The following DNMT3A variants were observed in gnomAD, a reference collection of about 807,000 sequenced individuals.
The protein encoded by DNMT3A is DNA methyltransferase 3 alpha, also known as DNA (cytosine-5)-methyltransferase 3A.
In DNMT3A, 267 loss-of-function variants were observed where a neutral mutation model predicts 117.6. The ratio of observed to expected loss-of-function variants is 2.27; its 90% CI spans 2.05 to 2.51. The LOEUF (loss-of-function observed/expected upper bound fraction) is 2.51, where lower values mean the gene tolerates loss of function less well. Among genes scored for constraint, DNMT3A ranks in the 30% most tolerant of loss-of-function variants. The pLI, the probability that DNMT3A is intolerant of heterozygous loss-of-function variation, is 0.00. For missense variants in DNMT3A, 1,029 were observed against 1,260.2 expected (o/e 0.82, Z 2.78); for synonymous variants, 432 against 474.8 (o/e 0.91, Z 1.17).
At chr2:25,275,186 C>A in intron 5 of DNMT3A, 99 bp from the exon 6 acceptor site, 1 of 1,427,528 alleles carries the variant, frequency 7.0e-7, no homozygotes. Context: ...TGGCTCCTGG[C>A]CAGAGAGGGC....
chr2:25,315,281 C>T (rs2034325387), intron 1 of DNMT3A, among the ~76,000 whole-genome samples: 1 of 152,248 alleles, frequency 6.6e-6, no homozygotes, highest in Admixed American at 6.5e-5. Flanking sequence ...TAGCCCCTTT[C>T]TCCAGGGGTG....
intron 16 of DNMT3A, among the ~76,000 whole-genome samples, chr2:25,242,761 C>T (rs1383461908): frequency 6.6e-6 from 1 of 152,158 alleles, no homozygotes; most frequent in Non-Finnish European, 1.5e-5. Flanking sequence ...GTGGATGTGT[C>T]TTCACAATCT....
intron 6 of DNMT3A, chr2:25,249,773 C>T: frequency 6.2e-7 from 1 of 1,602,432 alleles, no homozygotes; most frequent in Non-Finnish European, 8.6e-7. Context: ...GAACCATTAG[C>T]CTTTTACTGA....
chr2:25,238,003 C>CT (rs1208646413), intron 20 of DNMT3A, among the ~76,000 whole-genome samples: 4 of 152,360 alleles, frequency 2.6e-5, no homozygotes, highest in South Asian at 4.1e-4. Flanking sequence ...CAGATGTCCC[C>CT]GACTCTTTAT....
intron 5 of DNMT3A, 91 bp from the exon 6 acceptor site, chr2:25,275,178 G>A (rs2031292611): frequency 6.9e-7 from 1 of 1,445,444 alleles, no homozygotes; most frequent in African/African-American, 1.4e-5. Context: ...GTGGACACTG[G>A]CTCCTGGCCA....
Position 25,295,218 on chromosome 2 carries a change from C to T in DNMT3A, c.177+4921G>A, listed in dbSNP as rs559066075. On this transcript the variant is annotated intron_variant, in intron 3 of 22. Coordinates refer to ENST00000321117, the MANE Select transcript of DNMT3A (RefSeq NM_022552.5). ...CATCCTTAGAGGCTGCCCCTTCCTC[C>T]CCACCTCACACCCACACACGGGCTC... Among the ~76,000 whole-genome samples the T allele has an allele frequency of 2.4e-4, 36 of 152,272 alleles. 1 individual carries two copies. Among genetic ancestry groups the T allele is most frequent in the African/African-American group, 7.7e-4 (32 of 41,554 alleles).
chr2:25,249,534 T>A, intron 6 of DNMT3A: 1 of 1,096,602 alleles, frequency 9.1e-7, no homozygotes. Flanking sequence ...CATAAATACA[T>A]GTATTCATTC....
chr2:25,261,549 G>C (rs576876184), intron 6 of DNMT3A, among the ~76,000 whole-genome samples: 20 of 147,544 alleles, frequency 1.4e-4, no homozygotes, highest in African/African-American at 5.0e-4. Context: ...GGAGGTTGAA[G>C]TGAGCCGAGA....
rs776405956 is a variant in DNMT3A, at chr2:25,337,085, G to A, written c.-178+4741C>T. Among the ~76,000 whole-genome samples, 4 of 152,196 alleles carry A rather than the reference G, an allele frequency of 2.6e-5. No individual in the cohort carries two copies. The highest frequency in any genetic ancestry group is 4.8e-5 in the African/African-American group (2 of 41,438). ...ATCTCTGGAAAATGGAAGCGAATAC[G>A]GTGGGAAAGTGCTGCTGCACTCAAG... On this transcript the variant is annotated intron_variant, in intron 1 of 22. Transcript: ENST00000321117. The surrounding 1 kb of genome is among the most constrained non-coding windows in gnomAD (Gnocchi z 5.0).
Position 25,229,002 on chromosome 2 carries a change from C to T in DNMT3A, c.*5277G>A, listed in dbSNP as rs933294026. On this transcript the variant is annotated 3_prime_UTR_variant, in exon 23 of 23. Transcript: ENST00000321117. ...TCTGGTGGGGGAAGTGAGTAAGTCA[C>T]CACCAGCAAAGGGATCTTGTGTCCT... 1.3e-5 allele frequency: 2 copies of T among 152,198 alleles called. No homozygotes were observed. The highest frequency in any genetic ancestry group is 4.8e-5 in the African/African-American group (2 of 41,424). 9.4% of individuals were successfully genotyped at this position (152,198 alleles called of 1,614,324 possible).
rs1381007257 is a variant in DNMT3A, at chr2:25,293,990, A to T, written c.177+6149T>A. ...CCAGCCCCGTATACATTTTTCAATG[A>T]ATCCCTAGTCCCCTCAGCCAGGCCT... On this transcript the variant is annotated intron_variant, in intron 3 of 22. Coordinates refer to ENST00000321117, the MANE Select transcript of DNMT3A (RefSeq NM_022552.5). This position sits in a 1 kb window ranked among gnomAD's most constrained non-coding sequence, Gnocchi z 4.7. Among the ~76,000 whole-genome samples, 1 of 152,148 alleles carries T rather than the reference A, an allele frequency of 6.6e-6. No individual in the cohort carries two copies. The highest frequency in any genetic ancestry group is 1.9e-4 in the East Asian group (1 of 5,180).
At chr2:25,314,188 GGGC>G (rs1321299470) in intron 1 of DNMT3A, 27 bp from the exon 2 acceptor site, 3 of 1,412,456 alleles carry the variant, frequency 2.1e-6, no homozygotes, top group Non-Finnish European at 2.8e-6. Flanking sequence ...AGGATCAGTG[GGGC>G]GGAGCACCCC....
At position 25,327,452 on chromosome 2, in the gene DNMT3A, G is replaced by C. The variant is rs2034830118; in HGVS notation, c.-177-13291C>G. Among the ~76,000 whole-genome samples the C allele has an allele frequency of 6.6e-6, 1 of 152,102 alleles. No homozygotes were observed. The highest frequency in any genetic ancestry group is 2.4e-5 in the African/African-American group (1 of 41,408). ...GTGGAGCCGGGCCCTGGAGTGAAAG[G>C]AGACCCCTGCTTCTGGAGCTCACCA... is the stretch of plus-strand genomic sequence containing the variant. On this transcript the variant is annotated intron_variant, in intron 1 of 22. Coordinates refer to ENST00000321117, the MANE Select transcript of DNMT3A (RefSeq NM_022552.5). The surrounding 1 kb of genome is among the most constrained non-coding windows in gnomAD (Gnocchi z 4.1).
chr2:25,314,719 C>T (rs1220971984), intron 1 of DNMT3A: 1 of 985,288 alleles, frequency 1.0e-6, no homozygotes, highest in African/African-American at 1.7e-5. Flanking sequence ...GCCTGGTTGG[C>T]TCTGGCCTAG....
intron 6 of DNMT3A, among the ~76,000 whole-genome samples, chr2:25,269,679 T>C (rs540548992): frequency 1.3e-5 from 2 of 152,066 alleles, no homozygotes; most frequent in Admixed American, 6.5e-5. Flanking sequence ...GTGATCATGA[T>C]TAAAACAGAG....
chr2:25,242,858 G>C (rs1289073198), intron 16 of DNMT3A, among the ~76,000 whole-genome samples: 1 of 152,150 alleles, frequency 6.6e-6, no homozygotes, highest in East Asian at 1.9e-4. Flanking sequence ...GTTTTCCTAA[G>C]GAGGGAATGG....
chr2:25,278,533 A>G (rs2031639986), intron 4 of DNMT3A, among the ~76,000 whole-genome samples: 1 of 152,172 alleles, frequency 6.6e-6, no homozygotes, highest in African/African-American at 2.4e-5. Context: ...GAGGATAATA[A>G]GAGTCTTCCA....
intron 6 of DNMT3A, among the ~76,000 whole-genome samples, chr2:25,263,784 T>A (rs1573381742): frequency 6.6e-6 from 1 of 152,164 alleles, no homozygotes; most frequent in South Asian, 2.1e-4. Context: ...AGGACCCCAC[T>A]CCATGCCCTT....
In DNMT3A at chr2:25,257,115, C is replaced by T. The variant is rs1676205004; in HGVS notation, c.640-8863G>A. On this transcript the variant is annotated intron_variant, in intron 6 of 22. Transcript: ENST00000321117. The surrounding 1 kb of genome is among the most constrained non-coding windows in gnomAD (Gnocchi z 4.8). ...TCCCTTGCAATCCATATGGAGGTTGCAAGCAAATGACCAGGACTGGGCTGC... is the reference window on the plus strand; with the variant it reads ...TCCCTTGCAATCCATATGGAGGTTGTAAGCAAATGACCAGGACTGGGCTGC... Among the ~76,000 whole-genome samples the T allele has an allele frequency of 6.6e-6, 1 of 152,180 alleles. No homozygotes were observed. The highest frequency in any genetic ancestry group is 6.5e-5 in the Admixed American group (1 of 15,280).
Sources: gnomAD v4.1 joint callset for allele counts (sites outside exome capture counted in the v4.1 genomes callset) on GRCh38, gnomAD v4.1.1 for gene constraint, Gnocchi (gnomAD v3.1) non-coding constraint, MANE v1.5 for transcripts, NCBI Gene and HGNC (gene_info 2026-07-23, HGNC 2026-07-21) for gene names.